Variants in PTPRN2 observed in about 807,000 individuals in gnomAD.
The protein encoded by PTPRN2 is receptor-type tyrosine-protein phosphatase N2.
PTPRN2 carries 74 observed loss-of-function variants against 118.8 expected under a neutral mutation model. The ratio of observed to expected loss-of-function variants is 0.62; its 90% confidence interval spans 0.52 to 0.76. The LOEUF is 0.76. Among genes scored for constraint, PTPRN2 ranks in the 30% least tolerant of loss-of-function variants. PTPRN2 has a pLI of 0.00. For synonymous variants in PTPRN2, 641 were observed against 608.0 expected, an observed-to-expected ratio of 1.05 and a Z score of -0.80; for missense variants, 1,481 against 1,394.4, an observed-to-expected ratio of 1.06 and a Z score of -0.99.
At chr7:158,016,367 G>T (rs1806457106) in intron 11 of PTPRN2, among the ~76,000 whole-genome samples, 1 of 152,202 alleles carries the variant, frequency 6.6e-6, no homozygotes, top group Admixed American at 6.5e-5. Context: ...TGAAGGGCGA[G>T]GGGGAGTGGG....
At chr7:158,567,091 T>G (rs1463511486) in intron 1 of PTPRN2, among the ~76,000 whole-genome samples, 1 of 152,250 alleles carries the variant, frequency 6.6e-6, no homozygotes, top group Non-Finnish European at 1.5e-5. Flanking sequence ...CTTCTTCATT[T>G]TTTCTGAAGG....
rs146832265 is a variant in PTPRN2 at position 157,593,343 on chromosome 7, A to T, written c.2496+1895T>A. Reference sequence around the variant, plus strand: ...GGTGGATGTGGGCATCATCGTGGTCATTGAGTGTGGATGCCCTCCAGACCC... The same window carrying T: ...GGTGGATGTGGGCATCATCGTGGTCTTTGAGTGTGGATGCCCTCCAGACCC... On this transcript the variant is annotated intron_variant, in intron 17 of 22. Transcript: ENST00000389418. Among the ~76,000 whole-genome samples the T allele has an allele frequency of 1.9e-4, 29 of 151,154 alleles. 2 individuals are homozygous for T. In the East Asian group the frequency reaches 5.5e-3, roughly 29 times the overall value.
intron 11 of PTPRN2, among the ~76,000 whole-genome samples, chr7:158,034,754 A>G (rs1807980416): frequency 6.6e-6 from 1 of 152,212 alleles, no homozygotes; most frequent in African/African-American, 2.4e-5. Context: ...CCCCAAACAC[A>G]ACAGGGCTGA....
chr7:158,151,071 ACTC>A (rs1821002603), intron 6 of PTPRN2, among the ~76,000 whole-genome samples: 1 of 105,232 alleles, frequency 9.5e-6, no homozygotes, highest in South Asian at 2.7e-4. Flanking sequence ...CCGCCTTTCC[ACTC>A]TTGCCCCTGC....
Position 158,469,833 on chromosome 7 carries a change from C to A in PTPRN2, c.163+19902G>T, listed in dbSNP as rs572756298. ...AGCTGGGATCTGTCCTATTGCATCA[C>A]AATGGGCTGTCGCCATAACAGGAGC... On this transcript the variant is annotated intron_variant, in intron 2 of 22. Transcript: ENST00000389418. Among the ~76,000 whole-genome samples, 81 of 145,824 alleles carry A rather than the reference C, an allele frequency of 5.6e-4. 1 individual carries two copies. The South Asian group carries it at 0.017, about 31-fold the overall frequency.
At chr7:157,878,172 T>A (rs1185717939) in intron 12 of PTPRN2, among the ~76,000 whole-genome samples, 3 of 152,230 alleles carry the variant, frequency 2.0e-5, no homozygotes. Flanking sequence ...ACCCTCTTGG[T>A]GGCCTGTGGT....
chr7:157,863,654 C>G (rs1428695913), intron 12 of PTPRN2: 2 of 152,246 alleles, frequency 1.3e-5, no homozygotes, highest in Non-Finnish European at 2.9e-5. Context: ...CATGTGGCAG[C>G]CTTGACCCCC....
intron 3 of PTPRN2, among the ~76,000 whole-genome samples, chr7:158,292,050 T>C (rs1800156892): frequency 6.6e-6 from 1 of 152,230 alleles, no homozygotes; most frequent in South Asian, 2.1e-4. Context: ...CCTGTCTAGC[T>C]TTTAGTGAGG....
rs1806369983 is a variant in PTPRN2, at chr7:158,015,377, C to G, written c.1723+65921G>C. Among the ~76,000 whole-genome samples the G allele has an allele frequency of 6.6e-6, 1 of 152,006 alleles. No homozygotes were observed. Among genetic ancestry groups the G allele is most frequent in the African/African-American group, 2.4e-5 (1 of 41,362 alleles). ...ATCCCCTGTCTACCGATTAAAAACT[C>G]TGAGGTCTTTTTAGTTAATGTGTGA... On this transcript the variant is annotated intron_variant, in intron 11 of 22. Coordinates refer to ENST00000389418, the MANE Select transcript of PTPRN2 (RefSeq NM_002847.5). This position sits in a 1 kb window ranked among gnomAD's most constrained non-coding sequence, Gnocchi z 4.2.
intron 12 of PTPRN2, among the ~76,000 whole-genome samples, chr7:157,792,269 G>A (rs114839956): frequency 0.011 from 1,739 of 152,356 alleles, 28 homozygotes; most frequent in African/African-American, 0.04. Flanking sequence ...GAGGCCAGGC[G>A]CCCGCAGCGG....
At chr7:158,315,351 G>A (rs1466414263) in intron 3 of PTPRN2, among the ~76,000 whole-genome samples, 9 of 67,812 alleles carry the variant, frequency 1.3e-4, no homozygotes, top group South Asian at 5.2e-4. Flanking sequence ...AACCCGGGAC[G>A]CCCTCAAGGA....
At chr7:158,376,208 G>A (rs1042780956) in intron 2 of PTPRN2, among the ~76,000 whole-genome samples, 28 of 152,166 alleles carry the variant, frequency 1.8e-4, no homozygotes, top group Non-Finnish European at 2.6e-4. Flanking sequence ...CTTTGAGCAC[G>A]CAGCAGCCAA....
At chr7:157,796,292 A>T (rs1022488649) in intron 12 of PTPRN2, among the ~76,000 whole-genome samples, 2 of 152,216 alleles carry the variant, frequency 1.3e-5, no homozygotes, top group African/African-American at 2.4e-5. Flanking sequence ...TGTTACGTGC[A>T]CTAAGCACAT....
At chr7:157,564,495 C>T (rs947720860) in intron 21 of PTPRN2, among the ~76,000 whole-genome samples, 1 of 152,206 alleles carries the variant, frequency 6.6e-6, no homozygotes, top group African/African-American at 2.4e-5. Context: ...GAGTAAAAAA[C>T]CCCGATGTAA....
intron 5 of PTPRN2, among the ~76,000 whole-genome samples, chr7:158,184,492 T>C (rs1266034669): frequency 6.6e-6 from 1 of 152,234 alleles, no homozygotes; most frequent in Non-Finnish European, 1.5e-5. Context: ...TTCTGTAGGT[T>C]CCACCAAATT....
chr7:158,178,305 A>T (rs1205141514), intron 5 of PTPRN2, among the ~76,000 whole-genome samples: 4 of 152,116 alleles, frequency 2.6e-5, no homozygotes, highest in African/African-American at 9.7e-5. Context: ...CATCCAAGTA[A>T]TGCACATTGT....
rs945480407 is a variant in PTPRN2, at chr7:157,971,556, CT to C, written c.1724-72820del. Among the ~76,000 whole-genome samples, 72 of 152,322 alleles carry C rather than the reference CT, an allele frequency of 4.7e-4. 1 individual carries two copies. Among genetic ancestry groups the C allele is most frequent in the African/African-American group, 1.4e-3 (58 of 41,572 alleles). ...GATGTAATGGAGACCAGGAACCCCC[CT>C]GGAACGTTCCCCAGCAATTCCGTGC... On this transcript the variant is annotated intron_variant, in intron 11 of 22. Coordinates refer to ENST00000389418, the MANE Select transcript of PTPRN2 (RefSeq NM_002847.5).
At position 157,851,697 on chromosome 7, in the gene PTPRN2, C is replaced by T. The variant is rs115614153; in HGVS notation, c.1788+46976G>A. On this transcript the variant is annotated intron_variant, in intron 12 of 22. Coordinates refer to ENST00000389418, the MANE Select transcript of PTPRN2 (RefSeq NM_002847.5). ...CTGCTCTCCACATTTGAAACCCTAA[C>T]AAAACCCCTGAGCAATCAGGCCGTG... Among the ~76,000 whole-genome samples, 563 of 152,340 alleles carry T rather than the reference C, an allele frequency of 3.7e-3. 6 individuals are homozygous for T. Among genetic ancestry groups the T allele is most frequent in the African/African-American group, 0.013 (529 of 41,572 alleles).
At chr7:158,053,795 C>T (rs559045015) in intron 11 of PTPRN2, among the ~76,000 whole-genome samples, 131 of 132,652 alleles carry the variant, frequency 9.9e-4, no homozygotes, top group East Asian at 8.2e-3. Context: ...ACTCCAGAGA[C>T]GCAGAGACTC....
Sources: gnomAD v4.1 joint callset for allele counts (sites outside exome capture counted in the v4.1 genomes callset) on GRCh38, gnomAD v4.1.1 for gene constraint, Gnocchi (gnomAD v3.1) non-coding constraint, MANE v1.5 for transcripts, NCBI Gene and HGNC (gene_info 2026-07-23, HGNC 2026-07-21) for gene names.